Variants in CEBPZ observed in about 807,000 individuals in gnomAD.
CEBPZ encodes CCAAT/enhancer-binding protein zeta.
CEBPZ carries 78 observed loss-of-function variants against 104.5 expected under a neutral mutation model. That is an observed-to-expected ratio of 0.75 (90% CI 0.62 to 0.90). The LOEUF is 0.90. CEBPZ is among the 40% of genes least tolerant of loss of function. The pLI, the probability that CEBPZ is intolerant of heterozygous loss-of-function variation, is 0.00. For synonymous variants in CEBPZ, 470 were observed against 427.0 expected, an observed-to-expected ratio of 1.10 and a Z score of -1.24; for missense variants, 1,439 against 1,233.5, an observed-to-expected ratio of 1.17 and a Z score of -2.50.
chr2:37,206,493 G>C (rs553075829), intron 13 of CEBPZ, among the ~76,000 whole-genome samples: 1 of 152,238 alleles, frequency 6.6e-6, no homozygotes, highest in African/African-American at 2.4e-5. Flanking sequence ...CAGTAGCTGG[G>C]ATTATAGGGG....
chr2:37,225,459 G>A (rs993926757), intron 2 of CEBPZ, among the ~76,000 whole-genome samples: 4 of 147,680 alleles, frequency 2.7e-5, no homozygotes, highest in African/African-American at 7.5e-5. Context: ...CCCCAACCCC[G>A]TGCTCTCTGA....
rs957926009 is a variant in CEBPZ at position 37,201,649 on chromosome 2, C to T, written c.*115G>A. The T allele has an allele frequency of 1.0e-4, 75 of 741,520 alleles. 1 individual carries two copies. In the East Asian group the frequency reaches 1.9e-3, roughly 19 times the overall value. The allele number at this position is 741,520 out of a possible 1,614,324, so 45.9% of individuals were successfully genotyped here. On this transcript the variant is annotated 3_prime_UTR_variant, in exon 16 of 16. Transcript: ENST00000234170. ...AGCTATTTTTATTTATAGTTTATTA[C>T]AAATCCACTGAGAAGTCTGGAATGT...
chr2:37,231,267 G>T, intron 1 of CEBPZ, 145 bp downstream of exon 1: 1 of 1,081,140 alleles, frequency 9.2e-7, no homozygotes, highest in Non-Finnish European at 1.4e-6. Context: ...GGCGTGGGAA[G>T]CGCACCGAAC....
Position 37,227,970 on chromosome 2 carries a change from G to T in CEBPZ, c.1223C>A (p.Thr408Lys), listed in dbSNP as rs1314791003. The T allele has an allele frequency of 6.2e-7, 1 of 1,614,184 alleles. No individual in the cohort carries two copies. Among genetic ancestry groups the T allele is most frequent in the African/African-American group, 1.3e-5 (1 of 75,042 alleles). Residue 408 changes from threonine to lysine, a missense_variant, in exon 2 of 16, where the codon ACA becomes AAA. Coordinates refer to ENST00000234170, the MANE Select transcript of CEBPZ (RefSeq NM_005760.3). ...CATATTGGGATGTTTACAAAGTAAT[G>T]TCTCTAACAGATGGGATGCTTTTGT... ...IATKASHLLETLLCKHPNMKG... is the reference protein window; with the variant it reads ...IATKASHLLEKLLCKHPNMKG...
intron 1 of CEBPZ, among the ~76,000 whole-genome samples, chr2:37,229,415 G>A (rs903688431): frequency 6.6e-6 from 1 of 152,072 alleles, no homozygotes; most frequent in African/African-American, 2.4e-5. Context: ...AGAAAAAAAG[G>A]GTTCTTTAAG....
chr2:37,210,702 GAA>G, intron 13 of CEBPZ: 1 of 256,872 alleles, frequency 3.9e-6, no homozygotes. Context: ...CAAAATCTCA[GAA>G]ATCACTACTA....
At position 37,231,502 on chromosome 2, in the gene CEBPZ, T is replaced by C. The variant is rs1358113969; in HGVS notation, c.66A>G (p.Val22=). The C allele has an allele frequency of 3.1e-6, 5 of 1,614,122 alleles. No individual in the cohort carries two copies. Among genetic ancestry groups the C allele is most frequent in the Non-Finnish European group, 3.4e-6 (4 of 1,180,054 alleles). Residue 22 remains valine, a synonymous_variant, in exon 1 of 16, where the codon GTA becomes GTG. Coordinates refer to ENST00000234170, the MANE Select transcript of CEBPZ (RefSeq NM_005760.3). Reference sequence around the variant, plus strand: ...CCTCATCCTCCTCGTCCGGATCTTCTACTGCCTCCTCGGGGCGCCAAGGCC... The same window carrying C: ...CCTCATCCTCCTCGTCCGGATCTTCCACTGCCTCCTCGGGGCGCCAAGGCC... ...AKRPWRPEEA[V]EDPDEEDEDN...
At chr2:37,210,642 G>A (rs963433382) in intron 13 of CEBPZ, 25 of 166,816 alleles carry the variant, frequency 1.5e-4, no homozygotes, top group African/African-American at 5.5e-4. Context: ...AGGCAGTGGG[G>A]GATAAGAGTA....
intron 3 of CEBPZ, 92 bp from the exon 4 acceptor site, chr2:37,222,655 T>C (rs950542344): frequency 1.1e-5 from 9 of 846,222 alleles, no homozygotes; most frequent in Admixed American, 3.4e-5. Context: ...GTTTTACTTA[T>C]TGCAACTCTG....
intron 2 of CEBPZ, among the ~76,000 whole-genome samples, chr2:37,227,276 G>GT (rs1250580981): frequency 6.6e-6 from 1 of 152,152 alleles, no homozygotes; most frequent in East Asian, 1.9e-4. Context: ...GAAATACTAG[G>GT]TGGTAGATAT....
chr2:37,223,869 C>T (rs1320875534), intron 2 of CEBPZ, among the ~76,000 whole-genome samples: 4 of 152,182 alleles, frequency 2.6e-5, no homozygotes, highest in Admixed American at 2.0e-4. Flanking sequence ...CGATGAACAG[C>T]AGAAAATTAA....
rs745463922 is a variant in CEBPZ at position 37,222,503 on chromosome 2, T to C, written c.1942A>G (p.Thr648Ala). The C allele has an allele frequency of 1.9e-6, 3 of 1,609,340 alleles. No individual in the cohort carries two copies. The African/African-American group carries it at 4.0e-5, about 22-fold the overall frequency. The change falls in exon 4 of 16, where the codon ACT (threonine) becomes GCT (alanine). Residue 648 changes from threonine (T) to alanine (A), a missense_variant. Physicochemically the swap from Thr to Ala is moderately conservative, Grantham distance 58 (BLOSUM62 0). Coordinates refer to ENST00000234170, the MANE Select transcript of CEBPZ (RefSeq NM_005760.3). ...ATCTCTGTTTCTTTGTCTGCATCAG[T>C]GAATTTTTCCATGTCTTCATCATCA... The part of the protein sequence containing the change: ...ANDDEDMEKF[T>A]DADKETEIVK...
At position 37,228,788 on chromosome 2, in the gene CEBPZ, T is replaced by G. The variant is rs1664957443; in HGVS notation, c.405A>C (p.Ser135=). The stretch of plus-strand genomic sequence containing the variant: ...TATTCTTATTTTTCACCTTATTAAC[T>G]GATGTCCTTTGACTTTCTGCTGTAT... ...NKNTAESQRT[S]VNKVKNKNRP... is the part of the protein sequence containing the mutation. Residue 135 remains serine (S), a synonymous_variant, in exon 2 of 16, where the codon TCA becomes TCC. Coordinates refer to ENST00000234170, the MANE Select transcript of CEBPZ (RefSeq NM_005760.3). 1.2e-6 allele frequency: 2 copies of G among 1,612,198 alleles called. No individual in the cohort carries two copies. The highest frequency in any genetic ancestry group is 3.3e-5 in the Admixed American group (2 of 59,738).
chr2:37,213,740 G>T (rs2148351403), intron 10 of CEBPZ, 124 bp downstream of exon 10: 1 of 646,754 alleles, frequency 1.5e-6, no homozygotes, highest in Non-Finnish European at 2.6e-6. Context: ...CTTCCACTGT[G>T]ATTTGCATGA....
At chr2:37,229,575 C>T (rs922113511) in intron 1 of CEBPZ, among the ~76,000 whole-genome samples, 7 of 152,250 alleles carry the variant, frequency 4.6e-5, no homozygotes, top group Admixed American at 2.0e-4. Flanking sequence ...GAAGGGGTGG[C>T]GGAAACGGCA....
intron 13 of CEBPZ, among the ~76,000 whole-genome samples, chr2:37,206,586 G>C (rs1396275298): frequency 6.6e-6 from 1 of 152,168 alleles, no homozygotes; most frequent in Non-Finnish European, 1.5e-5. Context: ...TTGAACTCCT[G>C]ACTTCAGGTG....
chr2:37,224,046 CAT>C (rs1214391606), intron 2 of CEBPZ, among the ~76,000 whole-genome samples: 1 of 152,200 alleles, frequency 6.6e-6, no homozygotes, highest in African/African-American at 2.4e-5. Context: ...TTGTGTTCTT[CAT>C]AGTTTCACAA....
chr2:37,228,793 T>G lies in CEBPZ; in HGVS notation c.400A>C (p.Thr134Pro), dbSNP rs1268214336. The G allele has an allele frequency of 6.2e-7, 1 of 1,609,894 alleles. No individual in the cohort carries two copies. Among genetic ancestry groups the G allele is most frequent in the African/African-American group, 1.3e-5 (1 of 74,734 alleles). Residue 134 changes from threonine to proline, a missense_variant, in exon 2 of 16, where the codon ACA (threonine) becomes CCA (proline). By Grantham distance (38) the Thr-to-Pro change is conservative. Coordinates refer to ENST00000234170, the MANE Select transcript of CEBPZ (RefSeq NM_005760.3). Reference sequence around the variant, plus strand: ...TTATTTTTCACCTTATTAACTGATGTCCTTTGACTTTCTGCTGTATTTTTA... The same window carrying G: ...TTATTTTTCACCTTATTAACTGATGGCCTTTGACTTTCTGCTGTATTTTTA... ...NNKNTAESQR[T>P]SVNKVKNKNR...
chr2:37,213,951 T>G lies in CEBPZ; in HGVS notation c.2458A>C (p.Lys820Gln), dbSNP rs753767512. The G allele has an allele frequency of 1.2e-5, 18 of 1,541,002 alleles. No homozygotes were observed. Among genetic ancestry groups the G allele is most frequent in the Non-Finnish European group, 1.6e-5 (18 of 1,136,312 alleles). The change falls in exon 10 of 16, where the codon AAA becomes CAA. Residue 820 changes from lysine to glutamine, a missense_variant. By Grantham distance (53) the Lys-to-Gln change is moderately conservative. Transcript: ENST00000234170. ...TTTTGTTTCTCTTTAACAGCAACTT[T>G]TTTATAATACCTATAATATTCATGT... ...DEVFFHRYYK[K>Q]VAVKEKQKRD...
Sources: allele counts gnomAD v4.1 joint callset (sites outside exome capture counted in the v4.1 genomes callset), GRCh38; gene constraint gnomAD v4.1.1; transcripts MANE v1.5; gene names NCBI Gene and HGNC (gene_info 2026-07-23, HGNC 2026-07-21).